IPCEF1: variants seen among roughly 807,000 people sequenced by gnomAD.
The protein encoded by IPCEF1 is interactor protein for cytohesin exchange factors 1.
Under a neutral mutation model 50.9 loss-of-function variants are expected in IPCEF1, and 31 were observed. The observed-to-expected ratio is 0.61, with a 90% confidence interval of 0.46 to 0.82. The LOEUF (loss-of-function observed/expected upper bound fraction) is 0.82. Ranked by LOEUF, IPCEF1 falls within the 40% of genes least tolerant of loss-of-function variation. IPCEF1 has a pLI of 0.00. For synonymous variants in IPCEF1, 181 were observed against 192.0 expected (o/e 0.94, Z 0.47); for missense variants, 458 against 514.0 (o/e 0.89, Z 1.05).
chr6:154,322,575 C>T (rs1436055459), intron 1 of IPCEF1, among the ~76,000 whole-genome samples: 1 of 152,102 alleles, frequency 6.6e-6, no homozygotes, highest in Non-Finnish European at 1.5e-5. Flanking sequence ...TGTTGGCTCA[C>T]AGCCGTAATC....
chr6:154,336,597 G>A (rs1181473930), intron 1 of IPCEF1, among the ~76,000 whole-genome samples: 4 of 151,974 alleles, frequency 2.6e-5, no homozygotes, highest in Non-Finnish European at 5.9e-5. Context: ...AGGAGGAAAA[G>A]TTCTCTTTTT....
At chr6:154,289,460 A>C (rs1562581028) in intron 2 of IPCEF1, among the ~76,000 whole-genome samples, 3 of 151,624 alleles carry the variant, frequency 2.0e-5, no homozygotes, top group Admixed American at 2.0e-4. Flanking sequence ...AGAAGCAAAA[A>C]AAAAATCAAC....
intron 1 of IPCEF1, among the ~76,000 whole-genome samples, chr6:154,338,884 G>C (rs190651433): frequency 6.6e-6 from 1 of 152,076 alleles, no homozygotes; most frequent in Admixed American, 6.6e-5. Context: ...ACTTCAGTGA[G>C]CCAAGACTGC....
At chr6:154,241,709 CT>C (rs1273226658) in intron 5 of IPCEF1, among the ~76,000 whole-genome samples, 1 of 152,180 alleles carries the variant, frequency 6.6e-6, no homozygotes, top group Non-Finnish European at 1.5e-5. Context: ...CCTAACTGGC[CT>C]TCTGGCAGCT....
intron 1 of IPCEF1, among the ~76,000 whole-genome samples, chr6:154,351,162 C>T (rs1340205427): frequency 6.6e-6 from 1 of 152,164 alleles, no homozygotes; most frequent in Non-Finnish European, 1.5e-5. Flanking sequence ...GGTGTTCCCG[C>T]TAAAAAATTG....
At chr6:154,171,407 C>A (rs777705712) in intron 10 of IPCEF1, among the ~76,000 whole-genome samples, 2 of 151,984 alleles carry the variant, frequency 1.3e-5, no homozygotes, top group African/African-American at 2.4e-5. Flanking sequence ...TATGAAATGT[C>A]CAGATTAGAT....
At chr6:154,282,044 C>G (rs1234662781) in intron 2 of IPCEF1, among the ~76,000 whole-genome samples, 1 of 152,134 alleles carries the variant, frequency 6.6e-6, no homozygotes, top group Non-Finnish European at 1.5e-5. Flanking sequence ...TGGCACATGT[C>G]TGTAATCCCA....
intron 9 of IPCEF1, among the ~76,000 whole-genome samples, chr6:154,201,245 C>A (rs994049022): frequency 2.6e-5 from 4 of 152,090 alleles, no homozygotes; most frequent in Non-Finnish European, 4.4e-5. Flanking sequence ...TTAATATAAC[C>A]AACAATTCTT....
At chr6:154,338,271 A>G (rs1291140854) in intron 1 of IPCEF1, among the ~76,000 whole-genome samples, 1 of 152,144 alleles carries the variant, frequency 6.6e-6, no homozygotes, top group Non-Finnish European at 1.5e-5. Context: ...GGCTTTCTTT[A>G]TAGAGTCATA....
At chr6:154,173,352 T>C (rs1244276862) in intron 10 of IPCEF1, among the ~76,000 whole-genome samples, 4 of 152,146 alleles carry the variant, frequency 2.6e-5, no homozygotes, top group Admixed American at 1.3e-4. Flanking sequence ...CTTCAGAAGG[T>C]GGGTAATAAC....
At position 154,195,021 on chromosome 6, in the gene IPCEF1, C is replaced by T. The variant is rs1776471181; in HGVS notation, c.910+4647G>A. Among the ~76,000 whole-genome samples, 3 of 149,448 alleles carry T rather than the reference C, an allele frequency of 2.0e-5. No individual in the cohort carries two copies. In the South Asian group the frequency reaches 6.2e-4, roughly 31 times the overall value. On this transcript the variant is annotated intron_variant, in intron 10 of 11. Coordinates refer to ENST00000367220, the MANE Select transcript of IPCEF1 (RefSeq NM_001130700.2). ...AGGCATGCTGCAGAACCCCTCATCT[C>T]CCCTTCCTTCCCGTCTCCACTGCCA...
intron 10 of IPCEF1, among the ~76,000 whole-genome samples, chr6:154,196,890 T>C (rs1364372561): frequency 6.6e-6 from 1 of 152,170 alleles, no homozygotes; most frequent in Non-Finnish European, 1.5e-5. Flanking sequence ...TCTAACAGAG[T>C]ATTTAAATTC....
intron 5 of IPCEF1, among the ~76,000 whole-genome samples, chr6:154,242,254 A>C (rs980603398): frequency 6.6e-6 from 1 of 152,064 alleles, no homozygotes; most frequent in Admixed American, 6.5e-5. Context: ...CCTAATCGGA[A>C]CCTTGGGGCC....
chr6:154,251,779 T>G, intron 3 of IPCEF1, among the ~76,000 whole-genome samples: 3 of 147,382 alleles, frequency 2.0e-5, no homozygotes, highest in South Asian at 2.3e-4. Context: ...AAAGAAGAAA[T>G]GAAAGGAGGA....
intron 1 of IPCEF1, among the ~76,000 whole-genome samples, chr6:154,342,905 G>C (rs1783946852): frequency 6.6e-6 from 1 of 152,190 alleles, no homozygotes; most frequent in South Asian, 2.1e-4. Flanking sequence ...CTGAGTCCAG[G>C]AGTTTAAGAC....
intron 2 of IPCEF1, among the ~76,000 whole-genome samples, chr6:154,268,754 CT>C (rs35590430): frequency 0.21 from 30,401 of 146,206 alleles, 3,789 homozygotes; most frequent in Admixed American, 0.42. Context: ...TACTCATTGT[CT>C]TTTTTTTTTT....
intron 2 of IPCEF1, among the ~76,000 whole-genome samples, 165 bp from the exon 3 acceptor site, chr6:154,266,129 C>G (rs578053641): frequency 2.6e-4 from 39 of 152,216 alleles, no homozygotes; most frequent in African/African-American, 9.4e-4. Flanking sequence ...GCTCATGCCT[C>G]TAGTCCCAGA....
intron 1 of IPCEF1, among the ~76,000 whole-genome samples, chr6:154,340,245 TTTA>T (rs149057852): frequency 4.0e-5 from 6 of 150,942 alleles, no homozygotes; most frequent in African/African-American, 9.7e-5. Context: ...TATTTTTTAA[TTTA>T]TTATTATTAT....
intron 1 of IPCEF1, among the ~76,000 whole-genome samples, chr6:154,330,708 C>T (rs1033140885): frequency 6.6e-6 from 1 of 152,058 alleles, no homozygotes; most frequent in African/African-American, 2.4e-5. Flanking sequence ...CTTACAGCAC[C>T]CCTCACAAGT....
Sources: allele counts gnomAD v4.1 joint callset (sites outside exome capture counted in the v4.1 genomes callset), GRCh38; gene constraint gnomAD v4.1.1; transcripts MANE v1.5; gene names NCBI Gene and HGNC (gene_info 2026-07-23, HGNC 2026-07-21).